FAM120A: variants seen among roughly 807,000 people sequenced by gnomAD.
The protein encoded by FAM120A is family with sequence similarity 120 member A.
FAM120A carries 15 observed loss-of-function variants against 109.7 expected under a neutral mutation model. That is an observed-to-expected ratio of 0.14 (90% CI 0.09 to 0.21). FAM120A has a LOEUF of 0.21. Ranked by LOEUF, FAM120A falls within the 10% of genes least tolerant of loss-of-function variation. FAM120A has a pLI of 1.00. For synonymous variants in FAM120A, 493 were observed against 572.8 expected (o/e 0.86, Z 1.99); for missense variants, 899 against 1,439.3 (o/e 0.62, Z 6.07).
intron 10 of FAM120A, among the ~76,000 whole-genome samples, chr9:93,541,180 G>C: frequency 6.6e-6 from 1 of 152,140 alleles, no homozygotes; most frequent in East Asian, 1.9e-4. Flanking sequence ...GTGTTTGCGA[G>C]GTGTGGTTAT....
chr9:93,482,414 C>G (rs779176423), intron 3 of FAM120A, among the ~76,000 whole-genome samples: 8 of 152,170 alleles, frequency 5.3e-5, no homozygotes, highest in Non-Finnish European at 8.8e-5. Context: ...TGGTGTCAAA[C>G]CCCTGAGCTC....
At chr9:93,534,375 ATGGAGCCATCC>A (rs1262064923) in intron 10 of FAM120A, among the ~76,000 whole-genome samples, 7 of 152,154 alleles carry the variant, frequency 4.6e-5, no homozygotes, top group African/African-American at 1.7e-4. Flanking sequence ...GGTCACAGGA[ATGGAGCCATCC>A]TGTGGCTCCT....
At chr9:93,468,954 T>C (rs1287424667) in intron 1 of FAM120A, among the ~76,000 whole-genome samples, 1 of 152,178 alleles carries the variant, frequency 6.6e-6, no homozygotes, top group Non-Finnish European at 1.5e-5. Context: ...GACTTCATCA[T>C]CCCCCGCTTT....
chr9:93,554,238 C>T (rs1040712622), intron 12 of FAM120A, among the ~76,000 whole-genome samples: 1 of 149,160 alleles, frequency 6.7e-6, no homozygotes, highest in Non-Finnish European at 1.5e-5. Flanking sequence ...TTAACTAGGG[C>T]GCTTGTGTGC....
intron 1 of FAM120A, chr9:93,453,394 T>C (rs1184108425): frequency 1.0e-6 from 1 of 985,486 alleles, no homozygotes; most frequent in Non-Finnish European, 1.2e-6. Flanking sequence ...ACGTTCTGAT[T>C]GCTTGCTTTT....
At chr9:93,455,953 G>A (rs1276486541) in intron 1 of FAM120A, among the ~76,000 whole-genome samples, 2 of 152,146 alleles carry the variant, frequency 1.3e-5, no homozygotes, top group African/African-American at 4.8e-5. Context: ...GAGCCACTGC[G>A]CCTGGCCAGG....
chr9:93,558,122 T>C lies in FAM120A; in HGVS notation c.2668+112T>C, dbSNP rs142313918. 6.0e-4 allele frequency: 678 copies of C among 1,127,790 alleles called. 4 individuals are homozygous for C. The African/African-American group carries it at 9.3e-3, about 16-fold the overall frequency. 69.9% of individuals were successfully genotyped at this position (1,127,790 alleles called of 1,614,324 possible). ...TGTGTTGACCTTGTCACTGTTGGTC[T>C]TGGAGATCCTGCAGCAGCAGTTCTT... On this transcript the variant is annotated intron_variant, in intron 14 of 17. Coordinates refer to ENST00000277165, the MANE Select transcript of FAM120A (RefSeq NM_014612.5).
intron 17 of FAM120A, among the ~76,000 whole-genome samples, chr9:93,563,512 C>T (rs112955113): frequency 0.024 from 3,665 of 152,288 alleles, 66 homozygotes; most frequent in Non-Finnish European, 0.039. Context: ...AAACACCCTA[C>T]GGTGTGTGGG....
intron 5 of FAM120A, among the ~76,000 whole-genome samples, chr9:93,504,440 A>C (rs796626627): frequency 1.3e-5 from 2 of 152,182 alleles, no homozygotes; most frequent in Non-Finnish European, 2.9e-5. Flanking sequence ...CGCTGGTTGC[A>C]TTCCTCGACT....
At chr9:93,549,462 T>G (rs1033696488) in intron 11 of FAM120A, among the ~76,000 whole-genome samples, 1 of 152,206 alleles carries the variant, frequency 6.6e-6, no homozygotes, top group Non-Finnish European at 1.5e-5. Flanking sequence ...ACTTTGGGCT[T>G]CAACTGAAAA....
intron 5 of FAM120A, among the ~76,000 whole-genome samples, chr9:93,504,617 A>T (rs1588852527): frequency 1.3e-5 from 2 of 152,276 alleles, no homozygotes; most frequent in South Asian, 4.1e-4. Flanking sequence ...ATTGTGTTTC[A>T]TTCATGTTGG....
chr9:93,479,832 C>T (rs186281917), intron 3 of FAM120A, among the ~76,000 whole-genome samples: 1 of 152,344 alleles, frequency 6.6e-6, no homozygotes, highest in Non-Finnish European at 1.5e-5. Context: ...GAACCAGCTA[C>T]ATCAGTTAGA....
Position 93,516,134 on chromosome 9 carries a change from C to A in FAM120A, c.1283C>A (p.Thr428Lys), listed in dbSNP as rs145417293. The change falls in exon 7 of 18, where the codon ACG becomes AAG. Residue 428 changes from threonine (T) to lysine (K), a missense_variant. By Grantham distance (78) the Thr-to-Lys change is moderately conservative. Transcript: ENST00000277165. Reference protein sequence around the residue: ...YSNIPHEGKHTPLYERSSPIN... With the variant: ...YSNIPHEGKHKPLYERSSPIN... ...AACATTCCTCACGAAGGGAAGCACA[C>A]GCCGCTGTATGAGCGGTCCTCGCCC... is the stretch of plus-strand genomic sequence containing the variant. The A allele has an allele frequency of 6.2e-7, 1 of 1,613,854 alleles. No individual in the cohort carries two copies. The highest frequency in any genetic ancestry group is 8.5e-7 in the Non-Finnish European group (1 of 1,179,874).
chr9:93,452,761 C>G lies in FAM120A; in HGVS notation c.474+372C>G. On this transcript the variant is annotated intron_variant, in intron 1 of 17. Coordinates refer to ENST00000277165, the MANE Select transcript of FAM120A (RefSeq NM_014612.5). The surrounding 1 kb of genome is among the most constrained non-coding windows in gnomAD (Gnocchi z 7.0). ...TCACCTTCAACTTTGACAAAATACTCCCTTTTCTAATTTAGCCTGTTCTTT... is the reference window on the plus strand; with the variant it reads ...TCACCTTCAACTTTGACAAAATACTGCCTTTTCTAATTTAGCCTGTTCTTT... 6.3e-7 allele frequency: 1 copy of G among 1,596,974 alleles called. No individual in the cohort carries two copies. Among genetic ancestry groups the G allele is most frequent in the Non-Finnish European group, 8.5e-7 (1 of 1,179,516 alleles).
intron 5 of FAM120A, among the ~76,000 whole-genome samples, chr9:93,503,044 A>G (rs1859874225): frequency 6.6e-6 from 1 of 152,222 alleles, no homozygotes; most frequent in South Asian, 2.1e-4. Context: ...TGAAAAGTAA[A>G]TGGGCTCCTA....
intron 10 of FAM120A, among the ~76,000 whole-genome samples, chr9:93,533,812 C>T (rs1861420559): frequency 6.6e-6 from 1 of 152,172 alleles, no homozygotes; most frequent in South Asian, 2.1e-4. Context: ...CCTTTGTCCT[C>T]AGTTTCAGCG....
chr9:93,527,614 A>ATTTTTTTTTTTTTT (rs67894788), intron 8 of FAM120A, among the ~76,000 whole-genome samples: 30 of 80,690 alleles, frequency 3.7e-4, no homozygotes, highest in East Asian at 1.3e-3. Flanking sequence ...TTTGTATTTA[A>ATTTTTTTTTTTTTT]TTTTTTTTTT....
chr9:93,480,868 CTGTT>C (rs748803085), intron 3 of FAM120A, among the ~76,000 whole-genome samples: 5 of 152,182 alleles, frequency 3.3e-5, no homozygotes, highest in Admixed American at 6.5e-5. Context: ...GAGGCTCCCA[CTGTT>C]TGTGTTGCTC....
intron 5 of FAM120A, among the ~76,000 whole-genome samples, chr9:93,506,745 C>T (rs367739581): frequency 6.6e-6 from 1 of 152,068 alleles, no homozygotes. Flanking sequence ...TTACAGGTGC[C>T]TGCCACCATG....
Sources: allele counts gnomAD v4.1 joint callset (sites outside exome capture counted in the v4.1 genomes callset), GRCh38; gene constraint gnomAD v4.1.1; non-coding constraint Gnocchi (gnomAD v3.1); transcripts MANE v1.5; gene names NCBI Gene and HGNC (gene_info 2026-07-23, HGNC 2026-07-21).